AKR1E2: variants seen among roughly 807,000 people sequenced by gnomAD.
AKR1E2 encodes 1,5-anhydro-D-fructose reductase.
In AKR1E2, 43 loss-of-function variants were observed where a neutral mutation model predicts 41.9. That is an observed-to-expected ratio of 1.03 (90% CI 0.80 to 1.32). The LOEUF (loss-of-function observed/expected upper bound fraction) is 1.32, where lower values mean the gene tolerates loss of function less well. AKR1E2 is among the 40% of genes most tolerant of loss of function. The pLI is 0.00. For synonymous variants in AKR1E2, 121 were observed against 138.9 expected, an observed-to-expected ratio of 0.87 and a Z score of 0.91; for missense variants, 423 against 396.5, an observed-to-expected ratio of 1.07 and a Z score of -0.57.
chr10:4,832,478 G>A (rs745919698), intron 2 of AKR1E2, among the ~76,000 whole-genome samples: 22 of 152,148 alleles, frequency 1.4e-4, no homozygotes, highest in Non-Finnish European at 2.8e-4. Flanking sequence ...AGATTTCTAA[G>A]GCTCACCCTG....
chr10:4,833,434 C>G lies in AKR1E2; in HGVS notation c.292C>G (p.Leu98Val). 6.2e-7 allele frequency: 1 copy of G among 1,614,170 alleles called. No individual in the cohort carries two copies. Among genetic ancestry groups the G allele is most frequent in the South Asian group, 1.1e-5 (1 of 91,086 alleles). ...GGCCTTGAAGCTGAACTATTTGGAC[C>G]TCTACCTCATACACTGGCCCATGGG... ...LKALKLNYLD[L>V]YLIHWPMGFK... The change falls in exon 3 of 10, where the codon CTC becomes GTC. Residue 98 changes from leucine to valine, a missense_variant. Leu to Val is a conservative substitution (Grantham distance 32, BLOSUM62 1). Coordinates refer to ENST00000298375, the MANE Select transcript of AKR1E2 (RefSeq NM_001040177.3).
the AKR1E2 span, among the ~76,000 whole-genome samples, chr10:4,865,636 C>A: frequency 1.3e-5 from 2 of 152,112 alleles, no homozygotes; most frequent in Non-Finnish European, 2.9e-5. Flanking sequence ...AAAAGAAAAT[C>A]CCTCAATACA....
downstream of AKR1E2, among the ~76,000 whole-genome samples, chr10:4,849,705 G>C (rs535871730): frequency 1.3e-5 from 2 of 152,332 alleles, no homozygotes; most frequent in East Asian, 3.9e-4. Context: ...GCACAGTAGC[G>C]TGAGTTGGTT....
At chr10:4,826,483 G>T in intron 1 of AKR1E2, 120 bp downstream of exon 1, 1 of 943,694 alleles carries the variant, frequency 1.1e-6, no homozygotes, top group Non-Finnish European at 1.4e-6. Flanking sequence ...CCGCCTGGCC[G>T]ACGCCCGGGA....
rs147457633 is a variant in AKR1E2 at position 4,847,229 on chromosome 10, A to G, written c.919A>G (p.Ile307Val). The change falls in exon 9 of 10, where the codon ATA (isoleucine) becomes GTA (valine). Residue 307 changes from isoleucine (I) to valine (V), a missense_variant and splice_region_variant. Ile to Val is a conservative substitution (Grantham distance 29, BLOSUM62 3). Coordinates refer to ENST00000298375, the MANE Select transcript of AKR1E2 (RefSeq NM_001040177.3). ...NRNLRLAMFP[I>V]TKNHKDYPFH... ...GAATCTCCGACTGGCCATGTTCCCC[A>G]TGTAAATATGGCTCCTTCTTTTTAA... 120 of 1,613,848 alleles carry G rather than the reference A, an allele frequency of 7.4e-5. No individual in the cohort carries two copies. Among genetic ancestry groups the G allele is most frequent in the Non-Finnish European group, 9.9e-5 (117 of 1,179,838 alleles).
At chr10:4,847,086 C>T (rs1834388720) in intron 8 of AKR1E2, 62 bp from the exon 9 acceptor site, 1 of 1,578,460 alleles carries the variant, frequency 6.3e-7, no homozygotes, top group South Asian at 1.1e-5. Flanking sequence ...ATGTAGGTAA[C>T]ATGTGCTCCA....
chr10:4,870,502 T>TACC, the AKR1E2 span, among the ~76,000 whole-genome samples: 1 of 27,296 alleles, frequency 3.7e-5, no homozygotes. Flanking sequence ...TCTTTTATTT[T>TACC]ACCTTCTGCA....
At chr10:4,832,182 A>G (rs1199482259) in intron 2 of AKR1E2, among the ~76,000 whole-genome samples, 1 of 152,172 alleles carries the variant, frequency 6.6e-6, no homozygotes, top group Non-Finnish European at 1.5e-5. Context: ...AGCTGTGAGT[A>G]TTAGGGATTA....
chr10:4,839,482 G>T lies in AKR1E2; in HGVS notation c.583-247G>T, dbSNP rs559158325. ...CTGAGTGCTCAGGGAAGGCCCTGCA[G>T]AGCAGGTGGTATTGGAACATTCAGA... On this transcript the variant is annotated intron_variant, in intron 5 of 9. Transcript: ENST00000298375. Among the ~76,000 whole-genome samples the T allele has an allele frequency of 5.3e-5, 8 of 152,340 alleles. No individual in the cohort carries two copies. In the East Asian group the frequency reaches 1.5e-3, roughly 29 times the overall value.
At chr10:4,870,696 C>T in the AKR1E2 span, among the ~76,000 whole-genome samples, 5 of 149,990 alleles carry the variant, frequency 3.3e-5, no homozygotes, top group African/African-American at 9.8e-5. Flanking sequence ...TTTTCTCTTG[C>T]TTTTTCACAA....
chr10:4,856,553 G>A, the AKR1E2 span, among the ~76,000 whole-genome samples: 11 of 152,322 alleles, frequency 7.2e-5, no homozygotes, highest in South Asian at 2.3e-3. Context: ...ATGCAACAGT[G>A]ACAGTTGACT....
intron 2 of AKR1E2, among the ~76,000 whole-genome samples, chr10:4,832,193 G>T (rs915009792): frequency 6.6e-6 from 1 of 152,214 alleles, no homozygotes; most frequent in Non-Finnish European, 1.5e-5. Context: ...TTAGGGATTA[G>T]ATGGCTCAGG....
chr10:4,844,830 A>G (rs1554758444), intron 8 of AKR1E2, among the ~76,000 whole-genome samples: 1 of 152,246 alleles, frequency 6.6e-6, no homozygotes, highest in Non-Finnish European at 1.5e-5. Context: ...AGTCCCCACC[A>G]GTCAGGAGCC....
At chr10:4,863,572 C>T in the AKR1E2 span, among the ~76,000 whole-genome samples, 2 of 151,942 alleles carry the variant, frequency 1.3e-5, no homozygotes, top group African/African-American at 2.4e-5. Flanking sequence ...AGAGCAAACA[C>T]ATTCAAAAGC....
intron 4 of AKR1E2, among the ~76,000 whole-genome samples, chr10:4,836,593 G>A (rs546784669): frequency 6.6e-6 from 1 of 152,278 alleles, no homozygotes; most frequent in Non-Finnish European, 1.5e-5. Flanking sequence ...CCAGGGAGGA[G>A]GCCAGAGGGA....
chr10:4,833,241 C>A, intron 2 of AKR1E2, 109 bp from the exon 3 acceptor site: 1 of 810,298 alleles, frequency 1.2e-6, no homozygotes, highest in South Asian at 1.5e-5. Flanking sequence ...TTGTGGTCAT[C>A]TCATCTTGGC....
chr10:4,837,280 A>G (rs1249510338), intron 4 of AKR1E2, among the ~76,000 whole-genome samples, 179 bp from the exon 5 acceptor site: 1 of 152,252 alleles, frequency 6.6e-6, no homozygotes, highest in African/African-American at 2.4e-5. Flanking sequence ...TCCTCTAGCC[A>G]GAAAAGATGG....
the AKR1E2 span, among the ~76,000 whole-genome samples, chr10:4,868,946 G>A: frequency 1.3e-5 from 2 of 151,756 alleles, no homozygotes; most frequent in African/African-American, 4.8e-5. Flanking sequence ...CTAATATTTT[G>A]TTGAGGATGT....
chr10:4,847,292 C>G, intron 9 of AKR1E2, 62 bp downstream of exon 9: 1 of 1,607,238 alleles, frequency 6.2e-7, no homozygotes, highest in Non-Finnish European at 8.5e-7. Context: ...TGATTGGTGT[C>G]TGAATAGGTA....
Sources: gnomAD v4.1 joint callset for allele counts (sites outside exome capture counted in the v4.1 genomes callset) on GRCh38, gnomAD v4.1.1 for gene constraint, MANE v1.5 for transcripts, NCBI Gene and HGNC (gene_info 2026-07-23, HGNC 2026-07-21) for gene names.